GPHN: variants seen among roughly 807,000 people sequenced by gnomAD.
GPHN encodes gephyrin.
GPHN carries 17 observed loss-of-function variants against 95.5 expected under a neutral mutation model. The observed-to-expected ratio is 0.18, with a 90% CI of 0.12 to 0.27. GPHN has a LOEUF of 0.27. Among genes scored for constraint, GPHN ranks in the 10% least tolerant of loss-of-function variants. GPHN has a pLI of 1.00. For missense variants in GPHN, 660 were observed against 978.1 expected (o/e 0.67, Z 4.34); for synonymous variants, 320 against 322.5 (o/e 0.99, Z 0.08).
At chr14:67,307,591 T>C in the GPHN span, among the ~76,000 whole-genome samples, 1 of 152,360 alleles carries the variant, frequency 6.6e-6, no homozygotes, top group African/African-American at 2.4e-5. Context: ...ATTATAGGTA[T>C]AAAAATGTAT....
chr14:67,428,107 C>T, the GPHN span, among the ~76,000 whole-genome samples: 15 of 152,136 alleles, frequency 9.9e-5, no homozygotes, highest in South Asian at 2.3e-3. Context: ...TTAGTAGATA[C>T]GGGGTTTTGC....
At position 66,508,356 on chromosome 14, in the gene GPHN, C is replaced by G; in HGVS notation, c.-172C>G. On this transcript the variant is annotated 5_prime_UTR_variant, in exon 1 of 23. Coordinates refer to ENST00000478722, the MANE Select transcript of GPHN (RefSeq NM_020806.5). ...CCCGCGCACTCCCGGCGCGGCCTCTCCCCCACGCAGGCCACCGTGCACTCT... is the reference window on the plus strand; with the variant it reads ...CCCGCGCACTCCCGGCGCGGCCTCTGCCCCACGCAGGCCACCGTGCACTCT... 1.5e-6 allele frequency: 1 copy of G among 683,124 alleles called. No individual in the cohort carries two copies. 42.3% of individuals were successfully genotyped at this position (683,124 alleles called of 1,614,324 possible). A position where few individuals can be genotyped will look rare whatever the true frequency, so the allele number is the denominator to read the frequency against.
the GPHN span, among the ~76,000 whole-genome samples, chr14:67,627,989 T>C: frequency 9.8e-5 from 15 of 152,338 alleles, no homozygotes; most frequent in African/African-American, 3.6e-4. Flanking sequence ...GCAAATTGGC[T>C]TTATATTTCC....
At chr14:67,502,600 G>A in the GPHN span, among the ~76,000 whole-genome samples, 1 of 151,338 alleles carries the variant, frequency 6.6e-6, no homozygotes, top group Non-Finnish European at 1.5e-5. Flanking sequence ...TTACAGCCAT[G>A]TGCCACCACG....
At chr14:66,884,376 T>G (rs2064083533) in intron 5 of GPHN, among the ~76,000 whole-genome samples, 1 of 152,078 alleles carries the variant, frequency 6.6e-6, no homozygotes, top group African/African-American at 2.4e-5. Flanking sequence ...AAGCTATGGT[T>G]ACTTTCTCCA....
At chr14:66,767,441 GA>G (rs375844697) in intron 2 of GPHN, among the ~76,000 whole-genome samples, 1,862 of 96,898 alleles carry the variant, frequency 0.019, 15 homozygotes, top group Middle Eastern at 0.036. Context: ...TTTTTGAACA[GA>G]AAAAAAAAAA....
intron 2 of GPHN, among the ~76,000 whole-genome samples, chr14:66,702,108 A>C (rs1208224412): frequency 6.6e-6 from 1 of 151,692 alleles, no homozygotes; most frequent in Non-Finnish European, 1.5e-5. Flanking sequence ...AACTCCAAAA[A>C]CTCCAGCCAG....
chr14:67,674,018 C>T, the GPHN span, among the ~76,000 whole-genome samples: 1 of 152,212 alleles, frequency 6.6e-6, no homozygotes, highest in African/African-American at 2.4e-5. Context: ...AAAACTAGAC[C>T]TGTCTTGAGA....
At chr14:67,183,812 G>C (rs1197138912), downstream of GPHN, among the ~76,000 whole-genome samples, 2 of 150,806 alleles carry the variant, frequency 1.3e-5, no homozygotes, top group African/African-American at 4.9e-5. Flanking sequence ...GATCCGCTGG[G>C]ATTACAGGCG....
chr14:67,035,203 C>T (rs1465973297), intron 10 of GPHN, among the ~76,000 whole-genome samples: 1 of 151,710 alleles, frequency 6.6e-6, no homozygotes, highest in African/African-American at 2.4e-5. Flanking sequence ...TATCTTGAGG[C>T]AAAAACACAA....
chr14:66,783,684 A>G (rs2059680448), intron 3 of GPHN, among the ~76,000 whole-genome samples: 1 of 152,180 alleles, frequency 6.6e-6, no homozygotes, highest in Non-Finnish European at 1.5e-5. Context: ...AACCCTTGGT[A>G]TTAGCATGCG....
At chr14:66,773,366 T>C (rs1193417071) in intron 2 of GPHN, among the ~76,000 whole-genome samples, 2 of 151,038 alleles carry the variant, frequency 1.3e-5, no homozygotes, top group East Asian at 3.9e-4. Flanking sequence ...TTTTTTTTTT[T>C]TTTTTGAGAC....
At chr14:67,141,559 C>A (rs904199359) in intron 17 of GPHN, among the ~76,000 whole-genome samples, 58 of 152,154 alleles carry the variant, frequency 3.8e-4, no homozygotes, top group Non-Finnish European at 4.4e-4. Flanking sequence ...TCATAACAAC[C>A]CTATTATGGC....
intron 2 of GPHN, among the ~76,000 whole-genome samples, chr14:66,717,433 G>A (rs2070290761): frequency 6.6e-6 from 1 of 151,308 alleles, no homozygotes; most frequent in Non-Finnish European, 1.5e-5. Context: ...CCTTGCATTG[G>A]GCTTCGCCTT....
intron 1 of GPHN, among the ~76,000 whole-genome samples, chr14:66,680,749 GT>G (rs1254643139): frequency 6.6e-6 from 1 of 152,004 alleles, no homozygotes; most frequent in Admixed American, 6.6e-5. Flanking sequence ...TGATTTTGTA[GT>G]TTGTCTCTTT....
intron 1 of GPHN, among the ~76,000 whole-genome samples, chr14:66,674,581 A>T (rs2066483925): frequency 6.6e-6 from 1 of 152,174 alleles, no homozygotes; most frequent in African/African-American, 2.4e-5. Context: ...TCTCTGACTT[A>T]TTTCACATAA....
chr14:67,479,750 T>C, the GPHN span, among the ~76,000 whole-genome samples: 1 of 152,176 alleles, frequency 6.6e-6, no homozygotes, highest in South Asian at 2.1e-4. Context: ...GTGGAATGAA[T>C]ATGTATTCAC....
intron 2 of GPHN, among the ~76,000 whole-genome samples, chr14:66,749,035 G>A (rs2058268223): frequency 6.6e-6 from 1 of 151,988 alleles, no homozygotes; most frequent in African/African-American, 2.4e-5. Context: ...CAAGCCACCA[G>A]CAACCATGGA....
Position 67,181,595 on chromosome 14 carries a change from G to A in GPHN, c.*658G>A. On this transcript the variant is annotated 3_prime_UTR_variant, in exon 23 of 23. Transcript: ENST00000478722. ...AAGAAAAAATGCTTCCTTAAGTGCTGACAGCCTTTTTAACCAATACATTTA... is the reference window on the plus strand; with the variant it reads ...AAGAAAAAATGCTTCCTTAAGTGCTAACAGCCTTTTTAACCAATACATTTA... 1 of 425,060 alleles carries A rather than the reference G, an allele frequency of 2.4e-6. No individual in the cohort carries two copies. The highest frequency in any genetic ancestry group is 4.6e-6 in the Non-Finnish European group (1 of 219,652). The allele number at this position is 425,060 out of a possible 1,614,324, so 26.3% of individuals were successfully genotyped here. A position where few individuals can be genotyped will look rare whatever the true frequency, so the allele number is the denominator to read the frequency against.
Sources: allele counts gnomAD v4.1 joint callset (sites outside exome capture counted in the v4.1 genomes callset), GRCh38; gene constraint gnomAD v4.1.1; transcripts MANE v1.5; gene names NCBI Gene and HGNC (gene_info 2026-07-23, HGNC 2026-07-21).